MAPK9: variants seen among roughly 807,000 people sequenced by gnomAD.
The protein encoded by MAPK9 is Jun kinase.
In MAPK9, 30 loss-of-function variants were observed where a neutral mutation model predicts 57.1. The observed-to-expected ratio is 0.53, with a 90% CI of 0.39 to 0.71. The LOEUF is 0.71. MAPK9 is among the 30% of genes least tolerant of loss of function. The pLI is 0.00. For missense variants in MAPK9, 362 were observed against 521.0 expected, an observed-to-expected ratio of 0.69 and a Z score of 2.97; for synonymous variants, 155 against 177.0, an observed-to-expected ratio of 0.88 and a Z score of 0.99.
intron 5 of MAPK9, among the ~76,000 whole-genome samples, chr5:180,260,131 T>C (rs553760931): frequency 1.3e-4 from 20 of 152,322 alleles, no homozygotes; most frequent in African/African-American, 4.8e-4. Flanking sequence ...ATTCTATGCA[T>C]GTAAACAATG....
At chr5:180,281,224 A>G (rs966835031) in intron 1 of MAPK9, among the ~76,000 whole-genome samples, 3 of 152,198 alleles carry the variant, frequency 2.0e-5, no homozygotes, top group African/African-American at 7.2e-5. Context: ...GCACAGCCCC[A>G]GAGTCCCACA....
chr5:180,252,369 C>T (rs926537964), intron 5 of MAPK9, among the ~76,000 whole-genome samples: 15 of 152,198 alleles, frequency 9.9e-5, no homozygotes, highest in Admixed American at 1.3e-4. Context: ...CTGCCAGTGC[C>T]GTAAGCCTGT....
intron 4 of MAPK9, among the ~76,000 whole-genome samples, chr5:180,263,954 C>T (rs1276783850): frequency 1.3e-5 from 2 of 152,182 alleles, no homozygotes; most frequent in Non-Finnish European, 2.9e-5. Context: ...ATCCGCCCGC[C>T]TCGGCCTCCC....
chr5:180,245,974 C>A (rs1758058499), intron 7 of MAPK9: 1 of 152,172 alleles, frequency 6.6e-6, no homozygotes, highest in Non-Finnish European at 1.5e-5. Context: ...TTGGGAATAA[C>A]ATTAGGTAAC....
At position 180,249,086 on chromosome 5, in the gene MAPK9, AG is replaced by A. The variant is rs1319176797; in HGVS notation, c.502del (p.Asp169ThrfsTer13). On this transcript the variant is annotated frameshift_variant, in exon 6 of 12. Transcript: ENST00000452135. LOFTEE classifies it high-confidence loss of function. ...VVKSDCTLKI[L>X]DFGLARTACT... ...CGCTGTCCGGGCCAGGCCAAAGTCA[AG>A]GATCTTCAGGGTGCAGTCTGATTTC... The A allele has an allele frequency of 6.2e-7, 1 of 1,614,026 alleles. No individual in the cohort carries two copies. Among genetic ancestry groups the A allele is most frequent in the Non-Finnish European group, 8.5e-7 (1 of 1,179,936 alleles).
chr5:180,249,119 A>G lies in MAPK9; in HGVS notation c.470T>C (p.Ile157Thr). The change falls in exon 6 of 12, where the codon ATT (isoleucine) becomes ACT (threonine). Residue 157 changes from isoleucine (I) to threonine (T), a missense_variant. This residue lies in a region of MAPK9 where 127 missense variants were observed against 231.7 expected (regional missense o/e 0.55). Coordinates refer to ENST00000452135, the MANE Select transcript of MAPK9 (RefSeq NM_002752.5). ...CAGGGTGCAGTCTGATTTCACAACAATGTTGCTAGGCTTCAAATCCTAGGA... is the reference window on the plus strand; with the variant it reads ...CAGGGTGCAGTCTGATTTCACAACAGTGTTGCTAGGCTTCAAATCCTAGGA... ...IIHRDLKPSN[I>T]VVKSDCTLKI... 1 of 1,610,042 alleles carries G rather than the reference A, an allele frequency of 6.2e-7. No homozygotes were observed. The highest frequency in any genetic ancestry group is 1.1e-5 in the South Asian group (1 of 90,254).
At chr5:180,289,707 C>A (rs1488781576) in intron 1 of MAPK9, among the ~76,000 whole-genome samples, 3 of 152,170 alleles carry the variant, frequency 2.0e-5, no homozygotes, top group South Asian at 4.1e-4. Flanking sequence ...TTCCTGCTCT[C>A]CTCACAGCTC....
At chr5:180,267,185 C>T (rs1203216102) in intron 3 of MAPK9, among the ~76,000 whole-genome samples, 1 of 152,116 alleles carries the variant, frequency 6.6e-6, no homozygotes, top group Admixed American at 6.5e-5. Flanking sequence ...TGGCGGTATT[C>T]AGGAGTTTTT....
intron 1 of MAPK9, among the ~76,000 whole-genome samples, chr5:180,290,468 T>G (rs905453364): frequency 6.6e-6 from 1 of 152,228 alleles, no homozygotes; most frequent in Middle Eastern, 3.2e-3. Flanking sequence ...ACTGGGCTCC[T>G]GGGCTCTCTC....
chr5:180,238,077 T>C (rs1300124487), intron 11 of MAPK9: 5 of 263,274 alleles, frequency 1.9e-5, no homozygotes, highest in Admixed American at 5.3e-5. Context: ...CGAGACCAGC[T>C]TGGCCAATAT....
chr5:180,261,936 T>A (rs930204002), intron 4 of MAPK9, 114 bp from the exon 5 acceptor site: 7 of 787,406 alleles, frequency 8.9e-6, no homozygotes, highest in Middle Eastern at 3.7e-4. Flanking sequence ...AGTAAAAAGA[T>A]AACTTGGTAT....
chr5:180,282,567 G>A (rs1219222951), intron 1 of MAPK9, among the ~76,000 whole-genome samples: 1 of 152,238 alleles, frequency 6.6e-6, no homozygotes, highest in Non-Finnish European at 1.5e-5. Context: ...TTTTGCCAGA[G>A]ATGGACAGTA....
At chr5:180,239,672 A>C (rs1490050103) in intron 10 of MAPK9, among the ~76,000 whole-genome samples, 1 of 152,242 alleles carries the variant, frequency 6.6e-6, no homozygotes, top group Non-Finnish European at 1.5e-5. Flanking sequence ...TTTATAAATC[A>C]ATATGTGAAA....
intron 4 of MAPK9, chr5:180,263,222 A>G (rs190120546): frequency 6.6e-6 from 1 of 151,938 alleles, no homozygotes; most frequent in East Asian, 1.9e-4. Context: ...GTCATTCTCA[A>G]TTCCTCTCTC....
At chr5:180,290,921 A>G (rs1010003840) in intron 1 of MAPK9, among the ~76,000 whole-genome samples, 1 of 152,254 alleles carries the variant, frequency 6.6e-6, no homozygotes, top group African/African-American at 2.4e-5. Flanking sequence ...GAGACAGAAA[A>G]TAAGCAGGCA....
intron 5 of MAPK9, chr5:180,258,109 C>T (rs1472921918): frequency 6.6e-6 from 1 of 152,212 alleles, no homozygotes; most frequent in Non-Finnish European, 1.5e-5. Flanking sequence ...ACTTCAAAGA[C>T]ACAAAGTAAT....
At chr5:180,242,498 A>G in intron 8 of MAPK9, 75 bp downstream of exon 8, 1 of 1,385,314 alleles carries the variant, frequency 7.2e-7, no homozygotes, top group East Asian at 2.3e-5. Context: ...ACAGGTTTTT[A>G]GAATACAAAC....
At chr5:180,239,143 G>C (rs2127574305) in intron 10 of MAPK9, among the ~76,000 whole-genome samples, 1 of 152,316 alleles carries the variant, frequency 6.6e-6, no homozygotes, top group African/African-American at 2.4e-5. Context: ...TGAATCCACA[G>C]GCCTAAGTCT....
intron 1 of MAPK9, among the ~76,000 whole-genome samples, chr5:180,288,215 C>T (rs1036338243): frequency 1.3e-5 from 2 of 152,204 alleles, no homozygotes; most frequent in Admixed American, 1.3e-4. Flanking sequence ...CATTCAATTA[C>T]ACTGCAGAGA....
Sources: gnomAD v4.1 joint callset for allele counts (sites outside exome capture counted in the v4.1 genomes callset) on GRCh38, gnomAD v4.1.1 for gene constraint, gnomAD v4.1.1 regional missense constraint, MANE v1.5 for transcripts, NCBI Gene and HGNC (gene_info 2026-07-23, HGNC 2026-07-21) for gene names.